Variants in GPC5 observed in about 807,000 individuals in gnomAD.
GPC5 encodes the protein glypican 5.
Under a neutral mutation model 53.9 loss-of-function variants are expected in GPC5, and 47 were observed. That is an observed-to-expected ratio of 0.87 (90% confidence interval 0.69 to 1.11). GPC5 has a LOEUF of 1.11. Ranked by LOEUF, GPC5 falls within the 50% of genes most tolerant of loss-of-function variation. The probability of loss-of-function intolerance (pLI) is 0.00; values close to 1 mark genes in which losing one functional copy is unlikely to be tolerated. For missense variants in GPC5, 748 were observed against 713.1 expected (o/e 1.05, Z -0.56); for synonymous variants, 286 against 263.3 (o/e 1.09, Z -0.84).
intron 6 of GPC5, among the ~76,000 whole-genome samples, chr13:91,971,665 G>A (rs1339610779): frequency 6.6e-6 from 1 of 152,022 alleles, no homozygotes; most frequent in Non-Finnish European, 1.5e-5. Context: ...GGTATGTTGT[G>A]TCTTTGTTCT....
At chr13:91,974,874 A>G (rs2040282827) in intron 6 of GPC5, among the ~76,000 whole-genome samples, 1 of 152,188 alleles carries the variant, frequency 6.6e-6, no homozygotes. Flanking sequence ...AAACTATACT[A>G]CAAGGCTACA....
intron 7 of GPC5, among the ~76,000 whole-genome samples, chr13:92,848,848 T>C (rs1417547075): frequency 1.3e-5 from 2 of 152,146 alleles, no homozygotes; most frequent in Admixed American, 6.5e-5. Flanking sequence ...ATATGTCACA[T>C]GGGATTAGAT....
At chr13:92,431,234 T>A (rs1161729771) in intron 7 of GPC5, among the ~76,000 whole-genome samples, 1 of 152,122 alleles carries the variant, frequency 6.6e-6, no homozygotes, top group Non-Finnish European at 1.5e-5. Flanking sequence ...ACATTCTTGC[T>A]CTCAAGAAAG....
chr13:92,534,552 AT>A (rs1207867757), intron 7 of GPC5, among the ~76,000 whole-genome samples: 2 of 152,148 alleles, frequency 1.3e-5, no homozygotes, highest in African/African-American at 4.8e-5. Context: ...TCATTACCAG[AT>A]TTTTTAGGTA....
rs2043306752 is a variant in GPC5 at position 92,334,173 on chromosome 13, G to C, written c.1561+189184G>C. ...AGACTGAGTAATTTATAAGGAAAAAGAGGTTTAATGGACTCACAGTTCCAC... is the reference window on the plus strand; with the variant it reads ...AGACTGAGTAATTTATAAGGAAAAACAGGTTTAATGGACTCACAGTTCCAC... On this transcript the variant is annotated intron_variant, in intron 7 of 7. Coordinates refer to ENST00000377067, the MANE Select transcript of GPC5 (RefSeq NM_004466.6). Among the ~76,000 whole-genome samples the C allele has an allele frequency of 2.0e-5, 3 of 152,266 alleles. 1 individual carries two copies. The South Asian group carries it at 6.2e-4, about 32-fold the overall frequency.
At chr13:91,501,727 G>A (rs1884648934) in intron 2 of GPC5, among the ~76,000 whole-genome samples, 1 of 152,160 alleles carries the variant, frequency 6.6e-6, no homozygotes, top group South Asian at 2.1e-4. Flanking sequence ...TGTCTTTATA[G>A]CAGCATGATT....
intron 7 of GPC5, among the ~76,000 whole-genome samples, chr13:92,539,693 T>C (rs562573298): frequency 6.6e-6 from 1 of 152,076 alleles, no homozygotes; most frequent in African/African-American, 2.4e-5. Flanking sequence ...AACCTTCCCC[T>C]TCTTTTGCCT....
At chr13:91,511,234 G>A (rs891941028) in intron 2 of GPC5, among the ~76,000 whole-genome samples, 33 of 152,162 alleles carry the variant, frequency 2.2e-4, no homozygotes, top group Admixed American at 1.4e-3. Context: ...ATTTCAGTGA[G>A]AAGATAGCTG....
chr13:91,825,538 G>A (rs541682498), intron 5 of GPC5, among the ~76,000 whole-genome samples: 72 of 152,192 alleles, frequency 4.7e-4, no homozygotes, highest in African/African-American at 1.7e-3. Context: ...CAACAGAGTT[G>A]GAGCTGAAAA....
intron 7 of GPC5, among the ~76,000 whole-genome samples, chr13:92,522,077 C>T (rs1881076680): frequency 6.6e-6 from 1 of 152,168 alleles, no homozygotes; most frequent in African/African-American, 2.4e-5. Context: ...GATACCATCT[C>T]ACACCAGTTA....
At chr13:92,492,041 C>A (rs1341513549) in intron 7 of GPC5, among the ~76,000 whole-genome samples, 2 of 151,992 alleles carry the variant, frequency 1.3e-5, no homozygotes, top group Admixed American at 1.3e-4. Context: ...AGACTCTGTC[C>A]CTTTGATGTT....
intron 7 of GPC5, among the ~76,000 whole-genome samples, chr13:92,631,798 G>A (rs541261484): frequency 2.0e-5 from 3 of 152,228 alleles, no homozygotes; most frequent in East Asian, 1.9e-4. Context: ...AACCTCATGC[G>A]ATGTATCACA....
At chr13:92,399,351 G>A (rs762473509) in intron 7 of GPC5, among the ~76,000 whole-genome samples, 14 of 152,110 alleles carry the variant, frequency 9.2e-5, no homozygotes, top group Non-Finnish European at 1.6e-4. Context: ...AACAATCTAC[G>A]ACAGGACTAT....
chr13:91,635,948 C>T (rs761162082), intron 2 of GPC5, among the ~76,000 whole-genome samples: 1 of 151,968 alleles, frequency 6.6e-6, no homozygotes, highest in African/African-American at 2.4e-5. Flanking sequence ...TCTTTTATCT[C>T]CCTCAGTAGT....
chr13:92,122,220 G>A (rs1438410261), intron 6 of GPC5, among the ~76,000 whole-genome samples: 3 of 152,102 alleles, frequency 2.0e-5, no homozygotes, highest in Admixed American at 2.0e-4. Context: ...TGTCTTTGCA[G>A]TGACAATTTA....
chr13:92,406,455 A>G (rs1200533283), intron 7 of GPC5, among the ~76,000 whole-genome samples: 1 of 152,176 alleles, frequency 6.6e-6, no homozygotes, highest in East Asian at 1.9e-4. Context: ...ACGTGGAGCT[A>G]TATCAACTTG....
At chr13:92,206,539 T>G (rs572819080) in intron 7 of GPC5, among the ~76,000 whole-genome samples, 1 of 152,218 alleles carries the variant, frequency 6.6e-6, no homozygotes, top group East Asian at 1.9e-4. Context: ...ATTTGTACCT[T>G]AAAATAAACT....
rs116811318 is a variant in GPC5 at position 91,950,704 on chromosome 13, C to T, written c.1401+42647C>T. ...TCTACCATGTGCTGTATACTCTGCG[C>T]TTTCTACTGTTGATGCTAGTGAATG... On this transcript the variant is annotated intron_variant, in intron 6 of 7. Transcript: ENST00000377067. Among the ~76,000 whole-genome samples the T allele has an allele frequency of 4.0e-3, 609 of 152,286 alleles. 2 individuals carry two copies. The highest frequency in any genetic ancestry group is 0.014 in the African/African-American group (582 of 41,558).
At chr13:92,126,371 T>C (rs1366316899) in intron 6 of GPC5, among the ~76,000 whole-genome samples, 1 of 152,226 alleles carries the variant, frequency 6.6e-6, no homozygotes, top group African/African-American at 2.4e-5. Flanking sequence ...TCTTATTCTT[T>C]AGTGATATCA....
Sources: allele counts gnomAD v4.1 joint callset (sites outside exome capture counted in the v4.1 genomes callset), GRCh38; gene constraint gnomAD v4.1.1; transcripts MANE v1.5; gene names NCBI Gene and HGNC (gene_info 2026-07-23, HGNC 2026-07-21).